MYLK: variants seen among roughly 807,000 people sequenced by gnomAD.
MYLK encodes myosin light chain kinase.
Under a neutral mutation model 203.4 loss-of-function variants are expected in MYLK, and 106 were observed. The observed-to-expected ratio is 0.52, with a 90% CI of 0.45 to 0.61. MYLK has a LOEUF of 0.61. MYLK is among the 20% of genes least tolerant of loss of function. The pLI, the probability that MYLK is intolerant of heterozygous loss-of-function variation, is 0.00. For synonymous variants in MYLK, 867 were observed against 959.5 expected (o/e 0.90, Z 1.78); for missense variants, 2,072 against 2,442.3 (o/e 0.85, Z 3.20).
At chr3:123,651,136 T>C (rs2059198590) in intron 24 of MYLK, among the ~76,000 whole-genome samples, 1 of 152,026 alleles carries the variant, frequency 6.6e-6, no homozygotes, top group Non-Finnish European at 1.5e-5. Flanking sequence ...GGGAAAGAAG[T>C]CTAAAATGGA....
chr3:123,649,291 C>T, intron 24 of MYLK, 97 bp from the exon 25 acceptor site: 2 of 1,517,862 alleles, frequency 1.3e-6, no homozygotes, highest in African/African-American at 1.4e-5. Flanking sequence ...CAGGCCTCAG[C>T]CTCCCCAGGC....
intron 3 of MYLK, among the ~76,000 whole-genome samples, chr3:123,813,504 G>C (rs908820074): frequency 1.3e-5 from 2 of 150,362 alleles, no homozygotes. Flanking sequence ...TTAATTCACT[G>C]TCTCTCTCTC....
At chr3:123,709,017 C>G (rs546004917) in intron 14 of MYLK, 122 bp from the exon 15 acceptor site, 2 of 799,880 alleles carry the variant, frequency 2.5e-6, no homozygotes, top group Non-Finnish European at 4.1e-6. Flanking sequence ...GCTTTCACTT[C>G]CCCATCAGTA....
chr3:123,748,450 A>C (rs2063088375), intron 5 of MYLK, among the ~76,000 whole-genome samples: 1 of 152,208 alleles, frequency 6.6e-6, no homozygotes, highest in Admixed American at 6.5e-5. Flanking sequence ...AACCTTGTTT[A>C]TTCCTATTCA....
chr3:123,668,340 C>T (rs1431981291), intron 20 of MYLK, among the ~76,000 whole-genome samples: 2 of 152,162 alleles, frequency 1.3e-5, no homozygotes, highest in Non-Finnish European at 2.9e-5. Flanking sequence ...AAGGAAGAAA[C>T]TACTGATACA....
At chr3:123,687,642 CTCCT>C (rs1195887274) in intron 19 of MYLK, among the ~76,000 whole-genome samples, 20 of 147,440 alleles carry the variant, frequency 1.4e-4, no homozygotes, top group Admixed American at 1.2e-3. Context: ...CCTTCCTTCC[CTCCT>C]TCCTTCCTTC....
intron 13 of MYLK, among the ~76,000 whole-genome samples, chr3:123,719,245 CA>C (rs1373455688): frequency 1.3e-5 from 2 of 152,352 alleles, no homozygotes; most frequent in East Asian, 3.9e-4. Context: ...AGCTGCCCCT[CA>C]ACCACCCCCG....
intron 19 of MYLK, chr3:123,692,360 AGCTC>A: frequency 2.6e-6 from 3 of 1,174,546 alleles, no homozygotes; most frequent in Non-Finnish European, 3.2e-6. Flanking sequence ...TCGTCCTGCC[AGCTC>A]GGACACTTGT....
At chr3:123,806,625 C>T (rs1028095787) in intron 3 of MYLK, among the ~76,000 whole-genome samples, 3 of 152,066 alleles carry the variant, frequency 2.0e-5, no homozygotes, top group Non-Finnish European at 4.4e-5. Context: ...TAATCAATAT[C>T]CCATTTCAAC....
intron 2 of MYLK, among the ~76,000 whole-genome samples, chr3:123,834,458 A>C (rs1577094658): frequency 6.6e-6 from 1 of 152,110 alleles, no homozygotes; most frequent in Non-Finnish European, 1.5e-5. Flanking sequence ...TAATTTAATA[A>C]AGGTCTTGGT....
At position 123,620,241 on chromosome 3, in the gene MYLK, G is replaced by C; in HGVS notation, c.5334C>G (p.Thr1778=). 3 of 1,614,194 alleles carry C rather than the reference G, an allele frequency of 1.9e-6. No individual in the cohort carries two copies. The highest frequency in any genetic ancestry group is 2.5e-6 in the Non-Finnish European group (3 of 1,180,036). Residue 1778 remains threonine (T), a synonymous_variant, in exon 32 of 34, where the codon ACC becomes ACG. Transcript: ENST00000360304. ...CTAGTTTTTCTGCATTGAGCGGGCT[G>C]GTTGGTGACCCTGTTGAGGATTTCC... The part of the protein sequence containing the change: ...SGRKSSTGSP[T]SPLNAEKLES...
Position 123,815,798 on chromosome 3 carries a change from T to G in MYLK, c.-4+15750A>C, listed in dbSNP as rs575693809. On this transcript the variant is annotated intron_variant, in intron 3 of 33. Transcript: ENST00000360304. The stretch of plus-strand genomic sequence containing the variant: ...TCTCAGTTTATGTCCTTCAAACTTT[T>G]TAGAAATTCATGTGTTCTTTCATTT... 8.9e-4 allele frequency among the ~76,000 whole-genome samples: 136 copies of G among 152,384 alleles called. 1 individual carries two copies. Among genetic ancestry groups the G allele is most frequent in the Non-Finnish European group, 1.7e-3 (113 of 68,040 alleles).
chr3:123,869,094 G>C (rs2032552587), intron 2 of MYLK, among the ~76,000 whole-genome samples: 1 of 152,032 alleles, frequency 6.6e-6, no homozygotes, highest in Non-Finnish European at 1.5e-5. Flanking sequence ...CCTCAGTCTG[G>C]GGTGAGCAGG....
At chr3:123,774,546 G>A (rs1341587130) in intron 4 of MYLK, among the ~76,000 whole-genome samples, 1 of 152,156 alleles carries the variant, frequency 6.6e-6, no homozygotes, top group Non-Finnish European at 1.5e-5. Context: ...CCAGATTCAG[G>A]CTTGTTCCTC....
rs2057246468 is a variant in MYLK, at chr3:123,611,534, C to T, written c.*2571G>A. 6.6e-6 allele frequency: 1 copy of T among 151,920 alleles called. No individual in the cohort carries two copies. Among genetic ancestry groups the T allele is most frequent in the Non-Finnish European group, 1.5e-5 (1 of 68,014 alleles). The allele number at this position is 151,920 out of a possible 1,614,324, so 9.4% of individuals were successfully genotyped here. A position where few individuals can be genotyped will look rare whatever the true frequency, so the allele number is the denominator to read the frequency against. ...GACCTGATACTCTGTAACAGTGGTC[C>T]CTAACCTTTTTGGCACCAGGGACCA... On this transcript the variant is annotated 3_prime_UTR_variant, in exon 34 of 34. Transcript: ENST00000360304.
At chr3:123,772,337 T>C (rs2063910512) in intron 4 of MYLK, among the ~76,000 whole-genome samples, 1 of 152,116 alleles carries the variant, frequency 6.6e-6, no homozygotes, top group Non-Finnish European at 1.5e-5. Flanking sequence ...GACTTTAGTA[T>C]ACAGTAAAGG....
rs1210711000 is a variant in MYLK at position 123,642,175 on chromosome 3, C to T, written c.4620-1671G>A. Reference sequence around the variant, plus strand: ...GGTATTTCCTCTCCTACAGAGAGTCCTCACGAAGAGGAAAGGAGCTGAGTT... The same window carrying T: ...GGTATTTCCTCTCCTACAGAGAGTCTTCACGAAGAGGAAAGGAGCTGAGTT... On this transcript the variant is annotated intron_variant, in intron 27 of 33. Coordinates refer to ENST00000360304, the MANE Select transcript of MYLK (RefSeq NM_053025.4). This position sits in a 1 kb window ranked among gnomAD's most constrained non-coding sequence, Gnocchi z 4.2. Among the ~76,000 whole-genome samples the T allele has an allele frequency of 6.6e-6, 1 of 152,168 alleles. No individual in the cohort carries two copies. The highest frequency in any genetic ancestry group is 1.5e-5 in the Non-Finnish European group (1 of 68,036).
At chr3:123,646,545 G>T (rs1204754410) in intron 27 of MYLK, among the ~76,000 whole-genome samples, 1 of 152,238 alleles carries the variant, frequency 6.6e-6, no homozygotes, top group Admixed American at 6.5e-5. Flanking sequence ...GTGTGTGCGT[G>T]TGTACACGCA....
intron 2 of MYLK, among the ~76,000 whole-genome samples, chr3:123,835,327 A>G (rs1298530366): frequency 6.6e-6 from 1 of 152,212 alleles, no homozygotes; most frequent in Non-Finnish European, 1.5e-5. Flanking sequence ...ATCAGTCACA[A>G]GAGAGATTTT....
Sources: gnomAD v4.1 joint callset for allele counts (sites outside exome capture counted in the v4.1 genomes callset) on GRCh38, gnomAD v4.1.1 for gene constraint, Gnocchi (gnomAD v3.1) non-coding constraint, MANE v1.5 for transcripts, NCBI Gene and HGNC (gene_info 2026-07-23, HGNC 2026-07-21) for gene names.